The following SEMA4D variants were observed in gnomAD, a reference collection of about 807,000 sequenced individuals.
SEMA4D encodes semaphorin 4D.
Under a neutral mutation model 74.8 loss-of-function variants are expected in SEMA4D, and 22 were observed. The observed-to-expected ratio is 0.29, with a 90% confidence interval of 0.21 to 0.42. The LOEUF (loss-of-function observed/expected upper bound fraction) is 0.42. Ranked by LOEUF, SEMA4D falls within the 10% of genes least tolerant of loss-of-function variation. The pLI is 1.00. For synonymous variants in SEMA4D, 445 were observed against 463.7 expected, an observed-to-expected ratio of 0.96 and a Z score of 0.52; for missense variants, 937 against 1,118.4, an observed-to-expected ratio of 0.84 and a Z score of 2.31.
intron 2 of SEMA4D, among the ~76,000 whole-genome samples, chr9:89,454,926 C>A (rs1360528688): frequency 1.3e-5 from 2 of 152,242 alleles, no homozygotes; most frequent in Non-Finnish European, 2.9e-5. Flanking sequence ...GAAGCTGCCC[C>A]GGGTGGCTCT....
At chr9:89,494,354 A>C (rs903056171) in intron 1 of SEMA4D, among the ~76,000 whole-genome samples, 1 of 152,070 alleles carries the variant, frequency 6.6e-6, no homozygotes, top group African/African-American at 2.4e-5. Flanking sequence ...CTAACTGTGG[A>C]GTGCTGCTTT....
intron 2 of SEMA4D, chr9:89,450,348 G>A (rs2135400217): frequency 1.1e-6 from 1 of 946,492 alleles, no homozygotes; most frequent in South Asian, 1.3e-5. Flanking sequence ...AACTTGACAT[G>A]CCTTCTTCAG....
intron 1 of SEMA4D, among the ~76,000 whole-genome samples, chr9:89,473,609 T>G (rs764010219): frequency 4.0e-5 from 6 of 150,260 alleles, no homozygotes; most frequent in Non-Finnish European, 8.9e-5. Flanking sequence ...GTAATCCCAG[T>G]ACTTTGGGAG....
In SEMA4D at chr9:89,399,308, CTTTT is replaced by C; in HGVS notation, c.279_282del (p.Lys94GlnfsTer44). The C allele has an allele frequency of 6.2e-7, 1 of 1,613,766 alleles. No homozygotes were observed. The highest frequency in any genetic ancestry group is 8.5e-7 in the Non-Finnish European group (1 of 1,179,656). On this transcript the variant is annotated frameshift_variant, in exon 5 of 16. Coordinates refer to ENST00000422704, the MANE Select transcript of SEMA4D (RefSeq NM_001371194.2). LOFTEE classifies it high-confidence loss of function. ...GATTTCCCCTTTTCTGCACATTTTG[CTTTT>C]TTGTCTTCTGAGACCTTCCAATACA...
chr9:89,373,240 G>A (rs1192142628), downstream of SEMA4D, among the ~76,000 whole-genome samples: 1 of 152,180 alleles, frequency 6.6e-6, no homozygotes, highest in Non-Finnish European at 1.5e-5. Flanking sequence ...GGCAGCCTCT[G>A]CACACACCAC....
intron 16 of SEMA4D, chr9:89,369,616 G>GTT (rs1834226221): frequency 6.6e-6 from 1 of 152,224 alleles, no homozygotes. Flanking sequence ...TGATCCTTAC[G>GTT]TTTGTATGCC....
intron 1 of SEMA4D, among the ~76,000 whole-genome samples, chr9:89,459,844 A>G (rs1856816049): frequency 6.6e-6 from 1 of 152,204 alleles, no homozygotes; most frequent in Non-Finnish European, 1.5e-5. Context: ...AACACGAGGG[A>G]GCCCAGGCCA....
intron 1 of SEMA4D, among the ~76,000 whole-genome samples, chr9:89,465,515 T>G (rs1235181293): frequency 6.6e-6 from 1 of 152,126 alleles, no homozygotes; most frequent in Admixed American, 6.6e-5. Flanking sequence ...GGGGCTTCCT[T>G]TTGGGGTGCT....
intron 8 of SEMA4D, 57 bp from the exon 9 acceptor site, chr9:89,391,472 C>T: frequency 6.3e-7 from 1 of 1,591,516 alleles, no homozygotes; most frequent in African/African-American, 1.3e-5. Context: ...CTGCCTGCAC[C>T]CATGAGGTCA....
chr9:89,371,670 CTGGGGTGTGTGTG>C (rs1177512064), intron 16 of SEMA4D, among the ~76,000 whole-genome samples: 1 of 40,556 alleles, frequency 2.5e-5, no homozygotes, highest in Non-Finnish European at 4.4e-5. Flanking sequence ...TGGTGTGTGT[CTGGGGTGTGTGTG>C]TGGGGTGTGA....
Position 89,379,521 on chromosome 9 carries a change from T to C in SEMA4D, c.1772A>G (p.Asn591Ser). Reference sequence around the variant, plus strand: ...GGGGCTCTCGGCCTTCAACACGCCATTCTGGAACTTCCAAAAGACCCGGGC... The same window carrying C: ...GGGGCTCTCGGCCTTCAACACGCCACTCTGGAACTTCCAAAAGACCCGGGC... ...NLARVFWKFQ[N>S]GVLKAESPKY... Residue 591 changes from asparagine to serine, a missense_variant, in exon 16 of 16, where the codon AAT becomes AGT. Physicochemically the swap from Asn to Ser is conservative, Grantham distance 46. Transcript: ENST00000422704. 3 of 1,614,132 alleles carry C rather than the reference T, an allele frequency of 1.9e-6. No homozygotes were observed. Among genetic ancestry groups the C allele is most frequent in the East Asian group, 2.2e-5 (1 of 44,882 alleles).
intron 6 of SEMA4D, among the ~76,000 whole-genome samples, chr9:89,394,323 G>T (rs146708896): frequency 2.0e-5 from 3 of 152,270 alleles, no homozygotes; most frequent in East Asian, 3.9e-4. Context: ...AAATAATACG[G>T]CAAGGTTAAA....
At chr9:89,452,796 G>A (rs1854931161) in intron 2 of SEMA4D, among the ~76,000 whole-genome samples, 1 of 152,234 alleles carries the variant, frequency 6.6e-6, no homozygotes, top group African/African-American at 2.4e-5. Flanking sequence ...GCTTGACCAT[G>A]CTTCCTCTGA....
At chr9:89,450,134 G>C in intron 2 of SEMA4D, 1 of 1,261,518 alleles carries the variant, frequency 7.9e-7, no homozygotes, top group Non-Finnish European at 1.2e-6. Flanking sequence ...AGCTGAAGCA[G>C]CATGTCATCG....
chr9:89,428,237 CCA>C (rs1346228537), intron 2 of SEMA4D, among the ~76,000 whole-genome samples: 1 of 152,234 alleles, frequency 6.6e-6, no homozygotes, highest in African/African-American at 2.4e-5. Flanking sequence ...AAGTTGAGGA[CCA>C]CCACTGGCCA....
In SEMA4D at chr9:89,391,365, C is replaced by G; in HGVS notation, c.673G>C (p.Asp225His). 1.9e-6 allele frequency: 3 copies of G among 1,614,252 alleles called. No individual in the cohort carries two copies. Among genetic ancestry groups the G allele is most frequent in the Non-Finnish European group, 2.5e-6 (3 of 1,180,046 alleles). ...AAGTAGACCCTGTCATCCTCGCCGTCGGGGCTGTCTGGGCTTTTTCGGATC... is the reference window on the plus strand; with the variant it reads ...AAGTAGACCCTGTCATCCTCGCCGTGGGGGCTGTCTGGGCTTTTTCGGATC... ...DVIRKSPDSP[D>H]GEDDRVYFFF... The change falls in exon 9 of 16, where the codon GAC becomes CAC. Residue 225 changes from aspartate to histidine, a missense_variant. Coordinates refer to ENST00000422704, the MANE Select transcript of SEMA4D (RefSeq NM_001371194.2).
At position 89,395,146 on chromosome 9, in the gene SEMA4D, C is replaced by T. The variant is rs142841285; in HGVS notation, c.415-1491G>A. On this transcript the variant is annotated intron_variant, in intron 6 of 15. Transcript: ENST00000422704. ...TATTAAAAATATTAGGAAAAATTGA[C>T]GGGGCGTGGTGGCTCATGCCTGTAA... Among the ~76,000 whole-genome samples, 23 of 152,258 alleles carry T rather than the reference C, an allele frequency of 1.5e-4. No individual in the cohort carries two copies. In the East Asian group the frequency reaches 3.1e-3, roughly 20 times the overall value.
intron 2 of SEMA4D, among the ~76,000 whole-genome samples, chr9:89,438,989 T>C (rs1440663063): frequency 1.0e-5 from 1 of 95,636 alleles, no homozygotes; most frequent in Admixed American, 1.0e-4. Context: ...TTTTTTTTTT[T>C]TTTTTTTTTT....
intron 2 of SEMA4D, among the ~76,000 whole-genome samples, chr9:89,433,295 G>A (rs1456194533): frequency 1.3e-5 from 1 of 76,210 alleles, no homozygotes; most frequent in Non-Finnish European, 2.9e-5. Context: ...CAGACGGACT[G>A]AGGGTGGGGC....
Sources: gnomAD v4.1 joint callset for allele counts (sites outside exome capture counted in the v4.1 genomes callset) on GRCh38, gnomAD v4.1.1 for gene constraint, MANE v1.5 for transcripts, NCBI Gene and HGNC (gene_info 2026-07-23, HGNC 2026-07-21) for gene names.